SENP7: variants seen among roughly 807,000 people sequenced by gnomAD.
SENP7 encodes sentrin-specific protease 7.
Under a neutral mutation model 141.2 loss-of-function variants are expected in SENP7, and 64 were observed. The observed-to-expected ratio is 0.45, with a 90% CI of 0.37 to 0.56. The LOEUF (loss-of-function observed/expected upper bound fraction) is 0.56. Among genes scored for constraint, SENP7 ranks in the 20% least tolerant of loss-of-function variants. The probability of loss-of-function intolerance (pLI) is 0.00; values close to 1 mark genes in which losing one functional copy is unlikely to be tolerated. For synonymous variants in SENP7, 382 were observed against 426.4 expected (o/e 0.90, Z 1.28); for missense variants, 1,025 against 1,212.2 (o/e 0.85, Z 2.29).
At chr3:101,417,859 C>A in intron 4 of SENP7, 69 bp from the exon 5 acceptor site, 4 of 1,230,318 alleles carry the variant, frequency 3.3e-6, no homozygotes, top group Non-Finnish European at 4.7e-6. Flanking sequence ...TCATCACAAA[C>A]TAATATCTCC....
intron 3 of SENP7, among the ~76,000 whole-genome samples, chr3:101,478,258 C>T (rs2064302929): frequency 2.0e-5 from 3 of 152,082 alleles, no homozygotes. Context: ...TGGCTTATGC[C>T]TGCAATCCCA....
At chr3:101,463,386 T>TAC (rs1559865275) in intron 3 of SENP7, among the ~76,000 whole-genome samples, 7 of 92,314 alleles carry the variant, frequency 7.6e-5, no homozygotes, top group African/African-American at 2.9e-4. Context: ...TATATATATA[T>TAC]ATATATATAT....
chr3:101,329,662 G>C (rs2058994536), intron 20 of SENP7, among the ~76,000 whole-genome samples: 1 of 151,502 alleles, frequency 6.6e-6, no homozygotes, highest in Admixed American at 6.6e-5. Context: ...TTCTGGCCGG[G>C]CTCGGTGGCT....
chr3:101,509,082 C>T (rs1426613953), intron 1 of SENP7, among the ~76,000 whole-genome samples: 1 of 152,028 alleles, frequency 6.6e-6, no homozygotes, highest in Non-Finnish European at 1.5e-5. Context: ...TCCCTCTCTC[C>T]CATTTCTTCT....
chr3:101,404,769 T>C (rs556136457), intron 5 of SENP7, among the ~76,000 whole-genome samples: 109 of 152,226 alleles, frequency 7.2e-4, no homozygotes, highest in African/African-American at 2.3e-3. Flanking sequence ...GCAAAGGACA[T>C]GAACAGACAC....
chr3:101,336,233 T>TCCTAAA (rs1417669295), intron 17 of SENP7, among the ~76,000 whole-genome samples: 1 of 152,202 alleles, frequency 6.6e-6, no homozygotes, highest in Non-Finnish European at 1.5e-5. Context: ...CCGTCTTAGT[T>TCCTAAA]CCTAGCAGGC....
At chr3:101,464,611 G>A (rs1209338140) in intron 3 of SENP7, among the ~76,000 whole-genome samples, 2 of 152,006 alleles carry the variant, frequency 1.3e-5, no homozygotes, top group African/African-American at 2.4e-5. Context: ...TCTAGTTGCA[G>A]GAAATCAAGC....
intron 10 of SENP7, among the ~76,000 whole-genome samples, chr3:101,363,616 T>C (rs777276026): frequency 5.9e-5 from 9 of 152,322 alleles, no homozygotes; most frequent in Non-Finnish European, 1.3e-4. Context: ...ACACTTTTAA[T>C]TATATATACA....
At chr3:101,409,211 T>A (rs569537565) in intron 5 of SENP7, among the ~76,000 whole-genome samples, 126 of 152,062 alleles carry the variant, frequency 8.3e-4, no homozygotes, top group African/African-American at 2.8e-3. Context: ...ATAAAATACT[T>A]AGGAATATAT....
At chr3:101,473,256 G>A (rs978395958) in intron 3 of SENP7, among the ~76,000 whole-genome samples, 9 of 152,302 alleles carry the variant, frequency 5.9e-5, no homozygotes, top group Middle Eastern at 6.8e-3. Context: ...ACCCAGTAAT[G>A]GGACTGCTGG....
chr3:101,470,891 C>G (rs1254295487), intron 3 of SENP7, among the ~76,000 whole-genome samples: 1 of 152,136 alleles, frequency 6.6e-6, no homozygotes. Flanking sequence ...TGAGTGAACT[C>G]CCATTCACAA....
intron 20 of SENP7, 109 bp from the exon 21 acceptor site, chr3:101,328,798 T>C: frequency 7.6e-6 from 6 of 788,948 alleles, no homozygotes; most frequent in South Asian, 5.2e-5. Context: ...TTTCAAGTAA[T>C]AGTTATCTTC....
intron 11 of SENP7, chr3:101,358,159 G>T: frequency 1.9e-6 from 1 of 538,952 alleles, no homozygotes. Context: ...ATTCATACTG[G>T]AGATATACCC....
At chr3:101,463,370 T>TATATATATATATATATATATATAC (rs2063623706) in intron 3 of SENP7, among the ~76,000 whole-genome samples, 12 of 83,666 alleles carry the variant, frequency 1.4e-4, no homozygotes, top group Non-Finnish European at 6.8e-5. Context: ...AATAAATATA[T>TATATATATATATATATATATATAC]ATATATATAT....
At chr3:101,431,666 C>A (rs1365705881) in intron 4 of SENP7, among the ~76,000 whole-genome samples, 1 of 151,798 alleles carries the variant, frequency 6.6e-6, no homozygotes, top group Non-Finnish European at 1.5e-5. Context: ...GGTCTGTAGT[C>A]CTAGCTACTC....
At chr3:101,492,364 G>C (rs1282401457) in intron 3 of SENP7, among the ~76,000 whole-genome samples, 1 of 151,896 alleles carries the variant, frequency 6.6e-6, no homozygotes. Context: ...GACAGAGCAA[G>C]ACCCTGTCTC....
chr3:101,448,858 G>A (rs1003038354), intron 4 of SENP7, among the ~76,000 whole-genome samples: 1 of 152,112 alleles, frequency 6.6e-6, no homozygotes. Context: ...CACCAGCAAC[G>A]GAACAAAGCT....
At chr3:101,401,305 G>A (rs2061134336) in intron 5 of SENP7, among the ~76,000 whole-genome samples, 1 of 151,840 alleles carries the variant, frequency 6.6e-6, no homozygotes, top group Admixed American at 6.6e-5. Flanking sequence ...GAGGCAGGAG[G>A]ATCACTTGAG....
At chr3:101,510,298 A>G (rs2065796221) in intron 1 of SENP7, among the ~76,000 whole-genome samples, 1 of 152,224 alleles carries the variant, frequency 6.6e-6, no homozygotes, top group Admixed American at 6.5e-5. Flanking sequence ...AGTTACAAAT[A>G]CATGTGTTTA....
Sources: allele counts gnomAD v4.1 joint callset (sites outside exome capture counted in the v4.1 genomes callset), GRCh38; gene constraint gnomAD v4.1.1; transcripts MANE v1.5; gene names NCBI Gene and HGNC (gene_info 2026-07-23, HGNC 2026-07-21).